OXTR: variants seen among roughly 807,000 people sequenced by gnomAD.
OXTR encodes the protein oxytocin receptor.
A neutral mutation model predicts 23.9 loss-of-function variants in OXTR; 19 were observed. The ratio of observed to expected loss-of-function variants is 0.80; its 90% CI spans 0.56 to 1.17. The LOEUF (loss-of-function observed/expected upper bound fraction) is 1.17. Ranked by LOEUF, OXTR falls within the 50% of genes most tolerant of loss-of-function variation. The pLI is 0.00. For missense variants in OXTR, 500 were observed against 550.7 expected, an observed-to-expected ratio of 0.91 and a Z score of 0.92; for synonymous variants, 278 against 250.5, an observed-to-expected ratio of 1.11 and a Z score of -1.04.
At position 8,762,277 on chromosome 3, in the gene OXTR, A is replaced by T. The variant is rs1575488592; in HGVS notation, c.922+4989T>A. 2.0e-5 allele frequency among the ~76,000 whole-genome samples: 3 copies of T among 152,202 alleles called. No homozygotes were observed. In the East Asian group the frequency reaches 5.8e-4, roughly 29 times the overall value. The stretch of plus-strand genomic sequence containing the variant: ...AACATGATGTAGCAGGGCCTCACCC[A>T]AGAGGCTGGTTTGGGGTTAGCTTTT... On this transcript the variant is annotated intron_variant, in intron 3 of 3. Coordinates refer to ENST00000316793, the MANE Select transcript of OXTR (RefSeq NM_000916.4).
In OXTR at chr3:8,769,473, G is replaced by C. The variant is rs1029970377; in HGVS notation, c.-481C>G. On this transcript the variant is annotated 5_prime_UTR_variant, in exon 1 of 4. Transcript: ENST00000316793. Reference sequence around the variant, plus strand: ...GGAGCGCCTCCCAGGCTGCGCGCGCGGACAGCGTCTGGATGCGGCGCTGTG... The same window carrying C: ...GGAGCGCCTCCCAGGCTGCGCGCGCCGACAGCGTCTGGATGCGGCGCTGTG... 1 of 152,316 alleles carries C rather than the reference G, an allele frequency of 6.6e-6. No homozygotes were observed. Among genetic ancestry groups the C allele is most frequent in the African/African-American group, 2.4e-5 (1 of 41,474 alleles). 9.4% of individuals were successfully genotyped at this position (152,316 alleles called of 1,614,324 possible). A position where few individuals can be genotyped will look rare whatever the true frequency, so the allele number is the denominator to read the frequency against.
chr3:8,755,516 C>T (rs774813498), intron 3 of OXTR, among the ~76,000 whole-genome samples: 17 of 152,212 alleles, frequency 1.1e-4, no homozygotes, highest in Non-Finnish European at 2.5e-4. Flanking sequence ...ACTACAGAAA[C>T]ATCAACAACA....
At chr3:8,748,919 CAG>C (rs1237960572), downstream of OXTR, among the ~76,000 whole-genome samples, 2 of 152,130 alleles carry the variant, frequency 1.3e-5, no homozygotes, top group Non-Finnish European at 2.9e-5. Flanking sequence ...AAATAAGCCT[CAG>C]AGTTTCCACG....
At chr3:8,753,974 A>G (rs1471923022) in intron 3 of OXTR, among the ~76,000 whole-genome samples, 1 of 152,178 alleles carries the variant, frequency 6.6e-6, no homozygotes, top group Non-Finnish European at 1.5e-5. Flanking sequence ...CAGGGAAGAA[A>G]TGTGCTCCAG....
In OXTR at chr3:8,768,608, G is replaced by A. The variant is rs1708695124; in HGVS notation, c.-238-17C>T. ...CGGCTTCCACTGGGGGAGAAGGGAGGGTCAAAATCAGCAACGTTCCTCCGG... is the reference window on the plus strand; with the variant it reads ...CGGCTTCCACTGGGGGAGAAGGGAGAGTCAAAATCAGCAACGTTCCTCCGG... On this transcript the variant is annotated splice_polypyrimidine_tract_variant and intron_variant, in intron 1 of 3. Transcript: ENST00000316793. This position sits in a 1 kb window ranked among gnomAD's most constrained non-coding sequence, Gnocchi z 5.4. 6.1e-6 allele frequency: 1 copy of A among 165,254 alleles called. No homozygotes were observed. Among genetic ancestry groups the A allele is most frequent in the Admixed American group, 6.4e-5 (1 of 15,642 alleles). 10.2% of individuals were successfully genotyped at this position (165,254 alleles called of 1,614,324 possible). A position where few individuals can be genotyped will look rare whatever the true frequency, so the allele number is the denominator to read the frequency against.
intron 3 of OXTR, 74 bp from the exon 4 acceptor site, chr3:8,753,298 C>A: frequency 6.6e-7 from 1 of 1,521,650 alleles, no homozygotes; most frequent in East Asian, 2.3e-5. Flanking sequence ...ACCTATCTGA[C>A]TTAAACATCA....
intron 3 of OXTR, among the ~76,000 whole-genome samples, chr3:8,756,305 G>A (rs1296877017): frequency 6.6e-6 from 1 of 152,232 alleles, no homozygotes; most frequent in East Asian, 1.9e-4. Context: ...GGAGAGTACA[G>A]TTTTCAAAGT....
the OXTR span, chr3:8,744,898 AC>A: frequency 6.5e-6 from 1 of 153,298 alleles, no homozygotes; most frequent in Non-Finnish European, 1.5e-5. Flanking sequence ...GTGCCTAGGA[AC>A]AGCAGCAGCT....
chr3:8,762,269 C>T (rs567836895), intron 3 of OXTR, among the ~76,000 whole-genome samples: 4 of 152,308 alleles, frequency 2.6e-5, no homozygotes, highest in Admixed American at 2.6e-4. Flanking sequence ...TGTAGCAGGG[C>T]CTCACCCAAG....
rs1374865572 is a variant in OXTR, at chr3:8,768,246, G to C, written c.-59C>G. ...AGCCCTTTACGGCTTGGCGCGGCTG[G>C]GCCGGATCCGGCGTGTCGGAGGGTG... On this transcript the variant is annotated 5_prime_UTR_variant, in exon 3 of 4. Coordinates refer to ENST00000316793, the MANE Select transcript of OXTR (RefSeq NM_000916.4). This position sits in a 1 kb window ranked among gnomAD's most constrained non-coding sequence, Gnocchi z 5.4. 5.6e-6 allele frequency: 7 copies of C among 1,260,218 alleles called. No homozygotes were observed. Among genetic ancestry groups the C allele is most frequent in the Non-Finnish European group, 6.9e-6 (7 of 1,007,818 alleles). The allele number at this position is 1,260,218 out of a possible 1,614,324, so 78.1% of individuals were successfully genotyped here.
chr3:8,757,253 G>A (rs1708392477), intron 3 of OXTR, among the ~76,000 whole-genome samples: 1 of 149,244 alleles, frequency 6.7e-6, no homozygotes, highest in Non-Finnish European at 1.5e-5. Flanking sequence ...GACTGGCAAA[G>A]TGTTTATTCA....
chr3:8,765,062 G>A (rs902394399), intron 3 of OXTR, among the ~76,000 whole-genome samples: 3 of 152,212 alleles, frequency 2.0e-5, no homozygotes, highest in African/African-American at 7.2e-5. Context: ...ATCCTCAGAG[G>A]ACCACAAACA....
At chr3:8,746,136 G>T, downstream of OXTR, 1 of 456,550 alleles carries the variant, frequency 2.2e-6, no homozygotes, top group Non-Finnish European at 4.0e-6. Context: ...GCTACTGCAA[G>T]TCTTTGCGTT....
Position 8,752,307 on chromosome 3 carries a change from A to C in OXTR, c.*670T>G, listed in dbSNP as rs1189161007. On this transcript the variant is annotated 3_prime_UTR_variant, in exon 4 of 4. Coordinates refer to ENST00000316793, the MANE Select transcript of OXTR (RefSeq NM_000916.4). ...CTATATACAAAACTGTGTCATCTGC[A>C]AATAGTTTTACTTCTTCTTTTCCTA... The C allele has an allele frequency of 6.6e-6, 1 of 152,264 alleles. No homozygotes were observed. Among genetic ancestry groups the C allele is most frequent in the Non-Finnish European group, 1.5e-5 (1 of 68,096 alleles). The allele number at this position is 152,264 out of a possible 1,614,324, so 9.4% of individuals were successfully genotyped here. A position where few individuals can be genotyped will look rare whatever the true frequency, so the allele number is the denominator to read the frequency against.
the OXTR span, among the ~76,000 whole-genome samples, chr3:8,741,458 A>G: frequency 6.6e-6 from 1 of 152,170 alleles, no homozygotes; most frequent in East Asian, 1.9e-4. Flanking sequence ...GGCAAAAGCT[A>G]AGCCTCTCAC....
chr3:8,757,508 T>C (rs1245111570), intron 3 of OXTR, among the ~76,000 whole-genome samples: 1 of 151,752 alleles, frequency 6.6e-6, no homozygotes, highest in South Asian at 2.1e-4. Context: ...AAAGGAACTC[T>C]AGACAGTCCA....
At chr3:8,748,692 C>A (rs1330276525), downstream of OXTR, among the ~76,000 whole-genome samples, 1 of 152,240 alleles carries the variant, frequency 6.6e-6, no homozygotes, top group African/African-American at 2.4e-5. Context: ...GGTGCCAGAG[C>A]AGGTCACCAC....
the OXTR span, among the ~76,000 whole-genome samples, chr3:8,741,507 C>G: frequency 6.6e-6 from 1 of 152,242 alleles, no homozygotes; most frequent in South Asian, 2.1e-4. Flanking sequence ...CGTGTCATTA[C>G]AGATCTTGGC....
chr3:8,750,034 C>T (rs1337144279), downstream of OXTR, among the ~76,000 whole-genome samples: 1 of 152,118 alleles, frequency 6.6e-6, no homozygotes, highest in Non-Finnish European at 1.5e-5. Context: ...TCAGTAGTGT[C>T]CTGTATTTAG....
Sources: gnomAD v4.1 joint callset for allele counts (sites outside exome capture counted in the v4.1 genomes callset) on GRCh38, gnomAD v4.1.1 for gene constraint, Gnocchi (gnomAD v3.1) non-coding constraint, MANE v1.5 for transcripts, NCBI Gene and HGNC (gene_info 2026-07-23, HGNC 2026-07-21) for gene names.